Variants in GTSE1 observed in about 807,000 individuals in gnomAD.
GTSE1 encodes G2 and S phase-expressed protein 1.
GTSE1 carries 52 observed loss-of-function variants against 60.5 expected under a neutral mutation model. The observed-to-expected ratio is 0.86, with a 90% CI of 0.69 to 1.08. The LOEUF (loss-of-function observed/expected upper bound fraction) is 1.08, where lower values mean the gene tolerates loss of function less well. Among genes scored for constraint, GTSE1 ranks in the 50% least tolerant of loss-of-function variants. The pLI is 0.00. For missense variants in GTSE1, 937 were observed against 961.8 expected, an observed-to-expected ratio of 0.97 and a Z score of 0.34; for synonymous variants, 368 against 386.5, an observed-to-expected ratio of 0.95 and a Z score of 0.56.
rs1231119871 is a variant in GTSE1, at chr22:46,328,591, C to T, written c.1725-97C>T. The T allele has an allele frequency of 8.5e-6, 8 of 940,612 alleles. No individual in the cohort carries two copies. In the East Asian group the frequency reaches 1.9e-4, roughly 23 times the overall value. 58.3% of individuals were successfully genotyped at this position (940,612 alleles called of 1,614,324 possible). A position where few individuals can be genotyped will look rare whatever the true frequency, so the allele number is the denominator to read the frequency against. On this transcript the variant is annotated intron_variant, in intron 9 of 11. Coordinates refer to ENST00000454366, the MANE Select transcript of GTSE1 (RefSeq NM_016426.7). ...CCCTAGAGCCGGGACGCACTCCACCCAGGACACTGTTCCTCCAGAGTGACT... is the reference window on the plus strand; with the variant it reads ...CCCTAGAGCCGGGACGCACTCCACCTAGGACACTGTTCCTCCAGAGTGACT...
chr22:46,318,705 G>C lies in GTSE1; in HGVS notation c.1432+2293G>C, dbSNP rs1261784304. Among the ~76,000 whole-genome samples the C allele has an allele frequency of 1.1e-4, 16 of 152,172 alleles. No homozygotes were observed. The highest frequency in any genetic ancestry group is 1.0e-3 in the Admixed American group (16 of 15,278). On this transcript the variant is annotated intron_variant, in intron 7 of 11. Coordinates refer to ENST00000454366, the MANE Select transcript of GTSE1 (RefSeq NM_016426.7). This position sits in a 1 kb window ranked among gnomAD's most constrained non-coding sequence, Gnocchi z 4.8. Reference sequence around the variant, plus strand: ...CAACGGCAGGAGTGCAGAGGTCCTGGGGCAGGAAGGCGTGGGACGTGCTCT... The same window carrying C: ...CAACGGCAGGAGTGCAGAGGTCCTGCGGCAGGAAGGCGTGGGACGTGCTCT...
intron 6 of GTSE1, among the ~76,000 whole-genome samples, chr22:46,315,764 T>A (rs2077775563): frequency 6.6e-6 from 1 of 152,194 alleles, no homozygotes; most frequent in Non-Finnish European, 1.5e-5. Flanking sequence ...GCCAACATAA[T>A]CAACGAAGAT....
rs1378800338 is a variant in GTSE1, at chr22:46,321,200, A to G, written c.1433-1990A>G. On this transcript the variant is annotated intron_variant, in intron 7 of 11. Transcript: ENST00000454366. This position sits in a 1 kb window ranked among gnomAD's most constrained non-coding sequence, Gnocchi z 4.0. Reference sequence around the variant, plus strand: ...GTCACAGACCACCCCACTCCATACAAGAAAACAAACACCAGCCTGGGCGAC... The same window carrying G: ...GTCACAGACCACCCCACTCCATACAGGAAAACAAACACCAGCCTGGGCGAC... Among the ~76,000 whole-genome samples the G allele has an allele frequency of 6.6e-6, 1 of 152,176 alleles. No individual in the cohort carries two copies. Among genetic ancestry groups the G allele is most frequent in the Non-Finnish European group, 1.5e-5 (1 of 68,034 alleles).
At chr22:46,299,556 G>A (rs116100802) in intron 2 of GTSE1, among the ~76,000 whole-genome samples, 1,928 of 152,170 alleles carry the variant, frequency 0.013, 39 homozygotes, top group African/African-American at 0.045. Context: ...ACCAGCTAAC[G>A]TCTTCTCCAC....
chr22:46,325,261 A>C (rs2147832629), intron 8 of GTSE1, among the ~76,000 whole-genome samples: 1 of 152,204 alleles, frequency 6.6e-6, no homozygotes, highest in Middle Eastern at 3.4e-3. Flanking sequence ...CAGTGGCGCG[A>C]TCTTGGCTCA....
rs1282856897 is a variant in GTSE1, at chr22:46,317,375, T to G, written c.1432+963T>G. On this transcript the variant is annotated intron_variant, in intron 7 of 11. Transcript: ENST00000454366. This position sits in a 1 kb window ranked among gnomAD's most constrained non-coding sequence, Gnocchi z 5.6. ...CATCCAGTTAACTTTGTTTCTAACA[T>G]AATAGTTTCCCCTTATTTCTTCTCA... Among the ~76,000 whole-genome samples, 1 of 152,240 alleles carries G rather than the reference T, an allele frequency of 6.6e-6. No homozygotes were observed. The highest frequency in any genetic ancestry group is 1.5e-5 in the Non-Finnish European group (1 of 68,038).
Position 46,324,717 on chromosome 22 carries a change from A to G in GTSE1, c.1505+1455A>G, listed in dbSNP as rs534847956. On this transcript the variant is annotated intron_variant, in intron 8 of 11. Transcript: ENST00000454366. This position sits in a 1 kb window ranked among gnomAD's most constrained non-coding sequence, Gnocchi z 5.2. The stretch of plus-strand genomic sequence containing the variant: ...GTGGTGGGGCTGCCAGAACTTAGCA[A>G]TAAAGGGAGGAGGGTGGGGAATCCT... 6.6e-5 allele frequency among the ~76,000 whole-genome samples: 10 copies of G among 152,250 alleles called. No homozygotes were observed. In the East Asian group the frequency reaches 1.9e-3, roughly 29 times the overall value.
intron 2 of GTSE1, among the ~76,000 whole-genome samples, chr22:46,302,600 G>A (rs952843509): frequency 1.3e-5 from 2 of 152,018 alleles, no homozygotes; most frequent in African/African-American, 2.4e-5. Flanking sequence ...AGGCTCAAGC[G>A]TTCCTCCCAC....
Position 46,308,522 on chromosome 22 carries a change from G to C in GTSE1, c.341G>C (p.Ser114Thr). ...CACTTACTGGCTTTACACATTGAGA[G>C]CAGCAGCCGGAACCAGGCAGCCCAA... ...EAHLLALHIESSSRNQAAQAA... is the reference protein window; with the variant it reads ...EAHLLALHIETSSRNQAAQAA... The change falls in exon 4 of 12, where the codon AGC (serine) becomes ACC (threonine). Residue 114 changes from serine (S) to threonine (T), a missense_variant. Ser to Thr is a moderately conservative substitution (Grantham distance 58, BLOSUM62 1). Coordinates refer to ENST00000454366, the MANE Select transcript of GTSE1 (RefSeq NM_016426.7). 1 of 1,614,206 alleles carries C rather than the reference G, an allele frequency of 6.2e-7. No individual in the cohort carries two copies. Among genetic ancestry groups the C allele is most frequent in the African/African-American group, 1.3e-5 (1 of 75,062 alleles).
rs1278560092 is a variant in GTSE1 at position 46,313,975 on chromosome 22, G to C, written c.1013G>C (p.Gly338Ala). The C allele has an allele frequency of 6.2e-7, 1 of 1,614,066 alleles. No homozygotes were observed. The highest frequency in any genetic ancestry group is 8.5e-7 in the Non-Finnish European group (1 of 1,180,008). ...TCCTCCTCGGGGCCTGTTTGGAGCG[G>C]GGCATCCAGTGCGTGCACATCCCCA... ...RKSSSGPVWS[G>A]ASSACTSPAV... The change falls in exon 6 of 12, where the codon GGG becomes GCG. Residue 338 changes from glycine (G) to alanine (A), a missense_variant. By Grantham distance (60) the Gly-to-Ala change is moderately conservative. Coordinates refer to ENST00000454366, the MANE Select transcript of GTSE1 (RefSeq NM_016426.7). This position sits in a 1 kb window ranked among gnomAD's most constrained non-coding sequence, Gnocchi z 4.4.
At chr22:46,307,990 TAGAGCCCCC>T (rs1188345416) in intron 2 of GTSE1, among the ~76,000 whole-genome samples, 151 bp from the exon 3 acceptor site, 19 of 152,266 alleles carry the variant, frequency 1.2e-4, no homozygotes, top group Non-Finnish European at 1.9e-4. Context: ...AAATATAACT[TAGAGCCCCC>T]TATGAAAAAC....
Position 46,314,229 on chromosome 22 carries a change from C to T in GTSE1, c.1051+216C>T, listed in dbSNP as rs2077765722. Among the ~76,000 whole-genome samples, 1 of 152,224 alleles carries T rather than the reference C, an allele frequency of 6.6e-6. No homozygotes were observed. Among genetic ancestry groups the T allele is most frequent in the Non-Finnish European group, 1.5e-5 (1 of 68,052 alleles). ...GAGGGCACACTCAGATGGGTGGCTT[C>T]AGTCTACGGGGTACACATGGCCAGA... is the stretch of plus-strand genomic sequence containing the variant. On this transcript the variant is annotated intron_variant, in intron 6 of 11. Transcript: ENST00000454366. The surrounding 1 kb of genome is among the most constrained non-coding windows in gnomAD (Gnocchi z 7.1).
In GTSE1 at chr22:46,324,182, C is replaced by T. The variant is rs2077830689; in HGVS notation, c.1505+920C>T. On this transcript the variant is annotated intron_variant, in intron 8 of 11. Coordinates refer to ENST00000454366, the MANE Select transcript of GTSE1 (RefSeq NM_016426.7). The surrounding 1 kb of genome is among the most constrained non-coding windows in gnomAD (Gnocchi z 5.2). ...GAGCTTGAGACACGCTTCGCGAGGT[C>T]GAACTAGCCAGTCCCTCACGTGCTG... Among the ~76,000 whole-genome samples the T allele has an allele frequency of 2.0e-5, 3 of 152,092 alleles. 1 individual carries two copies. Among genetic ancestry groups the T allele is most frequent in the African/African-American group, 4.8e-5 (2 of 41,406 alleles).
In GTSE1 at chr22:46,314,768, C is replaced by T. The variant is rs1281943435; in HGVS notation, c.1051+755C>T. Among the ~76,000 whole-genome samples, 2 of 148,612 alleles carry T rather than the reference C, an allele frequency of 1.3e-5. No homozygotes were observed. Among genetic ancestry groups the T allele is most frequent in the African/African-American group, 2.5e-5 (1 of 40,072 alleles). On this transcript the variant is annotated intron_variant, in intron 6 of 11. Transcript: ENST00000454366. The surrounding 1 kb of genome is among the most constrained non-coding windows in gnomAD (Gnocchi z 7.1). Reference sequence around the variant, plus strand: ...GCGGGTGCCTGTAGTCCCAGCTACTCGGGAGACTGGGCCACGAGAATGGCT... The same window carrying T: ...GCGGGTGCCTGTAGTCCCAGCTACTTGGGAGACTGGGCCACGAGAATGGCT...
rs2077793865 is a variant in GTSE1 at position 46,318,557 on chromosome 22, G to A, written c.1432+2145G>A. ...GTGTCCTGGAGCTGGCATGTTTGGGGAGGAATTTGCATCGGGTGGTTCTTT... is the reference window on the plus strand; with the variant it reads ...GTGTCCTGGAGCTGGCATGTTTGGGAAGGAATTTGCATCGGGTGGTTCTTT... On this transcript the variant is annotated intron_variant, in intron 7 of 11. Coordinates refer to ENST00000454366, the MANE Select transcript of GTSE1 (RefSeq NM_016426.7). This position sits in a 1 kb window ranked among gnomAD's most constrained non-coding sequence, Gnocchi z 4.8. Among the ~76,000 whole-genome samples, 1 of 152,200 alleles carries A rather than the reference G, an allele frequency of 6.6e-6. No homozygotes were observed. The highest frequency in any genetic ancestry group is 1.5e-5 in the Non-Finnish European group (1 of 68,036).
rs890101417 is a variant in GTSE1 at position 46,309,898 on chromosome 22, C to T, written c.762+955C>T. ...GATGGGTCCTGCTGTGTGGAGCACA[C>T]GTGGACTCGGGACAGGGATTGTGCA... On this transcript the variant is annotated intron_variant, in intron 4 of 11. Transcript: ENST00000454366. This position sits in a 1 kb window ranked among gnomAD's most constrained non-coding sequence, Gnocchi z 6.2. Among the ~76,000 whole-genome samples the T allele has an allele frequency of 1.3e-5, 2 of 152,184 alleles. No homozygotes were observed. The highest frequency in any genetic ancestry group is 1.5e-5 in the Non-Finnish European group (1 of 68,040).
intron 6 of GTSE1, among the ~76,000 whole-genome samples, chr22:46,315,399 T>C (rs903880294): frequency 2.6e-5 from 4 of 152,168 alleles, no homozygotes; most frequent in Non-Finnish European, 5.9e-5. Context: ...CTCACTATAT[T>C]AGCCAGGCTG....
Position 46,323,383 on chromosome 22 carries a change from T to C in GTSE1, c.1505+121T>C, listed in dbSNP as rs1490428235. On this transcript the variant is annotated intron_variant, in intron 8 of 11. Coordinates refer to ENST00000454366, the MANE Select transcript of GTSE1 (RefSeq NM_016426.7). ...CGCATCTGGCTTCCACGCCAGTCTC[T>C]TGGGTGCAGGCCGAGCTCCTGATGT... 7.8e-5 allele frequency: 61 copies of C among 784,530 alleles called. No individual in the cohort carries two copies. The East Asian group carries it at 1.5e-3, about 19-fold the overall frequency. 48.6% of individuals were successfully genotyped at this position (784,530 alleles called of 1,614,324 possible).
intron 5 of GTSE1, 102 bp downstream of exon 5, chr22:46,312,407 A>G: frequency 1.8e-6 from 2 of 1,128,220 alleles, no homozygotes; most frequent in Non-Finnish European, 2.5e-6. Flanking sequence ...TGGGAGGCCA[A>G]GGTGGGAGGA....
Sources: allele counts gnomAD v4.1 joint callset (sites outside exome capture counted in the v4.1 genomes callset), GRCh38; gene constraint gnomAD v4.1.1; non-coding constraint Gnocchi (gnomAD v3.1); transcripts MANE v1.5; gene names NCBI Gene and HGNC (gene_info 2026-07-23, HGNC 2026-07-21).